TFAP2B: variants seen among roughly 807,000 people sequenced by gnomAD.
TFAP2B encodes the protein transcription factor AP-2 beta.
Under a neutral mutation model 44.3 loss-of-function variants are expected in TFAP2B, and 9 were observed. The observed-to-expected ratio is 0.20, with a 90% CI of 0.12 to 0.35. The LOEUF is 0.35. TFAP2B is among the 10% of genes least tolerant of loss of function. TFAP2B has a pLI of 1.00. For missense variants in TFAP2B, 509 were observed against 600.0 expected (o/e 0.85, Z 1.59); for synonymous variants, 270 against 263.8 (o/e 1.02, Z -0.23).
rs1327711505 is a variant in TFAP2B at position 50,846,298 on chromosome 6, C to T, written c.*2906C>T. 1 of 152,516 alleles carries T rather than the reference C, an allele frequency of 6.6e-6. No homozygotes were observed. Among genetic ancestry groups the T allele is most frequent in the Non-Finnish European group, 1.5e-5 (1 of 68,032 alleles). The allele number at this position is 152,516 out of a possible 1,614,324, so 9.4% of individuals were successfully genotyped here. On this transcript the variant is annotated 3_prime_UTR_variant, in exon 7 of 7. Transcript: ENST00000393655. Reference sequence around the variant, plus strand: ...CCCCCTTGCTTTCCTTAGCCAGGCCCGCTACATTTATCTGATAATTGAGTT... The same window carrying T: ...CCCCCTTGCTTTCCTTAGCCAGGCCTGCTACATTTATCTGATAATTGAGTT...
chr6:50,820,988 G>A (rs1430628829), intron 1 of TFAP2B, among the ~76,000 whole-genome samples: 1 of 152,052 alleles, frequency 6.6e-6, no homozygotes, highest in Non-Finnish European at 1.5e-5. Context: ...TATTACAGGT[G>A]GTCCTATCTG....
chr6:50,834,418 C>T (rs1377041025), intron 3 of TFAP2B, among the ~76,000 whole-genome samples: 4 of 152,178 alleles, frequency 2.6e-5, no homozygotes, highest in Non-Finnish European at 4.4e-5. Context: ...TCCTAAAATG[C>T]CTACTGGGTA....
Position 50,823,430 on chromosome 6 carries a change from C to G in TFAP2B, c.105C>G (p.Ser35Arg). ...IYEDRHDGVPSHSSRLSQLGS... is the reference protein window; with the variant it reads ...IYEDRHDGVPRHSSRLSQLGS... Reference sequence around the variant, plus strand: ...AGGACCGGCACGATGGTGTCCCGAGCCACAGCTCGCGGCTCTCCCAGCTGG... The same window carrying G: ...AGGACCGGCACGATGGTGTCCCGAGGCACAGCTCGCGGCTCTCCCAGCTGG... Residue 35 changes from serine to arginine, a missense_variant, in exon 2 of 7, where the codon AGC (serine) becomes AGG (arginine). Physicochemically the swap from Ser to Arg is moderately radical, Grantham distance 110. Around this residue, in one of 3 missense-constraint regions of TFAP2B, gnomAD observed 296 missense variants for 308.2 expected, o/e 0.96. Coordinates refer to ENST00000393655, the MANE Select transcript of TFAP2B (RefSeq NM_003221.4). 6.2e-7 allele frequency: 1 copy of G among 1,603,040 alleles called. No homozygotes were observed. The highest frequency in any genetic ancestry group is 1.3e-5 in the African/African-American group (1 of 74,626).
At position 50,838,095 on chromosome 6, in the gene TFAP2B, T is replaced by TAAGC; in HGVS notation, c.940+6_940+9dup. On this transcript the variant is annotated splice_region_variant and intron_variant, in intron 5 of 6. Transcript: ENST00000393655. ...CGTTACTCACCTCCCTGGTGGAAGG[T>TAAGC]AAGCAAGACGTGTGGCCATTTCACG... 1 of 1,610,964 alleles carries TAAGC rather than the reference T, an allele frequency of 6.2e-7. No individual in the cohort carries two copies. The highest frequency in any genetic ancestry group is 1.7e-5 in the Admixed American group (1 of 60,004).
rs772631031 is a variant in TFAP2B at position 50,836,047 on chromosome 6, TTCTC to T, written c.602-10_602-7del. The T allele has an allele frequency of 1.2e-6, 2 of 1,611,288 alleles. No individual in the cohort carries two copies. The highest frequency in any genetic ancestry group is 1.7e-6 in the Non-Finnish European group (2 of 1,177,546). ...ACTTGGTCACCTTTATGGCAATTTT[TTCTC>T]TCTTTCTAGTTCCAGTTCCTCCCAA... On this transcript the variant is annotated splice_polypyrimidine_tract_variant and intron_variant, in intron 3 of 6. Transcript: ENST00000393655.
At position 50,843,428 on chromosome 6, in the gene TFAP2B, T is replaced by G; in HGVS notation, c.*36T>G. Reference sequence around the variant, plus strand: ...AAAAAAGAAGGAAAAATGTTTTAAATACAAAAGGAAAAACAGACAAAAATT... The same window carrying G: ...AAAAAAGAAGGAAAAATGTTTTAAAGACAAAAGGAAAAACAGACAAAAATT... On this transcript the variant is annotated 3_prime_UTR_variant, in exon 7 of 7. Coordinates refer to ENST00000393655, the MANE Select transcript of TFAP2B (RefSeq NM_003221.4). 1 of 1,590,308 alleles carries G rather than the reference T, an allele frequency of 6.3e-7. No homozygotes were observed. Among genetic ancestry groups the G allele is most frequent in the Non-Finnish European group, 8.6e-7 (1 of 1,168,162 alleles).
intron 3 of TFAP2B, among the ~76,000 whole-genome samples, chr6:50,830,844 A>G (rs765954012): frequency 5.9e-5 from 9 of 152,156 alleles, no homozygotes; most frequent in Non-Finnish European, 7.3e-5. Flanking sequence ...TGTTTCCAAG[A>G]GATGAATTTT....
rs372625426 is a variant in TFAP2B, at chr6:50,836,019, G to T, written c.602-42G>T. On this transcript the variant is annotated intron_variant, in intron 3 of 6. Transcript: ENST00000393655. ...ATTCTATCAGCCGGTCATCAGGATC[G>T]AAACTTGGTCACCTTTATGGCAATT... The T allele has an allele frequency of 2.6e-6, 4 of 1,530,276 alleles. No individual in the cohort carries two copies. The African/African-American group carries it at 5.5e-5, about 21-fold the overall frequency. 94.8% of individuals were successfully genotyped at this position (1,530,276 alleles called of 1,614,324 possible). A position where few individuals can be genotyped will look rare whatever the true frequency, so the allele number is the denominator to read the frequency against.
chr6:50,837,778 T>TA (rs35941682), intron 4 of TFAP2B, among the ~76,000 whole-genome samples, 197 bp from the exon 5 acceptor site: 8 of 151,728 alleles, frequency 5.3e-5, no homozygotes, highest in South Asian at 2.1e-4. Context: ...AACACTCAGT[T>TA]AAAAAAAATT....
At chr6:50,818,704 C>A, upstream of TFAP2B, 1 of 603,220 alleles carries the variant, frequency 1.7e-6, no homozygotes, top group Non-Finnish European at 3.0e-6. Context: ...GCATCTAACT[C>A]CTGTGTGTGC....
intron 1 of TFAP2B, among the ~76,000 whole-genome samples, chr6:50,822,630 T>G (rs1770384363): frequency 6.6e-6 from 1 of 152,228 alleles, no homozygotes; most frequent in Non-Finnish European, 1.5e-5. Context: ...TTCCTTCATT[T>G]TCACATCCTG....
intron 3 of TFAP2B, 42 bp downstream of exon 3, chr6:50,828,721 T>G (rs1770593859): frequency 1.9e-6 from 3 of 1,599,932 alleles, no homozygotes; most frequent in East Asian, 4.5e-5. Context: ...AGTTCTCTCA[T>G]GCATTAACGT....
rs146662170 is a variant in TFAP2B at position 50,838,041 on chromosome 6, C to T, written c.888C>T (p.Pro296=). Residue 296 remains proline, a synonymous_variant, in exon 5 of 7, where the codon CCC becomes CCT. Coordinates refer to ENST00000393655, the MANE Select transcript of TFAP2B (RefSeq NM_003221.4). ...TAGAAAAAATCGGTTTGAATTTACC[C>T]GCGGGCAGGCGCAAAGCAGCAAATG... ...ERLEKIGLNL[P]AGRRKAANVT... is the part of the protein sequence containing the mutation. The T allele has an allele frequency of 5.6e-6, 9 of 1,614,140 alleles. No homozygotes were observed. The highest frequency in any genetic ancestry group is 4.4e-5 in the South Asian group (4 of 91,088).
intron 3 of TFAP2B, 110 bp downstream of exon 3, chr6:50,828,789 G>C (rs1181275958): frequency 7.6e-7 from 1 of 1,310,028 alleles, no homozygotes; most frequent in Admixed American, 1.7e-5. Context: ...ATAAATGTTT[G>C]TTCACAATTA....
At position 50,844,579 on chromosome 6, in the gene TFAP2B, C is replaced by T. The variant is rs1187421235; in HGVS notation, c.*1187C>T. On this transcript the variant is annotated 3_prime_UTR_variant, in exon 7 of 7. Coordinates refer to ENST00000393655, the MANE Select transcript of TFAP2B (RefSeq NM_003221.4). ...AAAGTGGCCAATATGATGGAAGCAGCTTTGAATCTACATGCTAACATTCCT... is the reference window on the plus strand; with the variant it reads ...AAAGTGGCCAATATGATGGAAGCAGTTTTGAATCTACATGCTAACATTCCT... The T allele has an allele frequency of 2.0e-5, 3 of 152,648 alleles. No homozygotes were observed. Among genetic ancestry groups the T allele is most frequent in the Admixed American group, 6.5e-5 (1 of 15,290 alleles). The allele number at this position is 152,648 out of a possible 1,614,324, so 9.5% of individuals were successfully genotyped here. A position where few individuals can be genotyped will look rare whatever the true frequency, so the allele number is the denominator to read the frequency against.
Position 50,836,280 on chromosome 6 carries a change from G to A in TFAP2B, c.821G>A (p.Arg274Lys). The A allele has an allele frequency of 6.2e-7, 1 of 1,610,898 alleles. No individual in the cohort carries two copies. The highest frequency in any genetic ancestry group is 8.5e-7 in the Non-Finnish European group (1 of 1,178,970). Reference sequence around the variant, plus strand: ...TCTCTCCTCGGCGGAGTCCTCAGAAGGTAACCCCACCACGAAAAACAAAAA... The same window carrying A: ...TCTCTCCTCGGCGGAGTCCTCAGAAAGTAACCCCACCACGAAAAACAAAAA... Reference protein sequence around the residue: ...NASLLGGVLRRAKSKNGGRSL... With the variant: ...NASLLGGVLRKAKSKNGGRSL... Residue 274 changes from arginine to lysine, a missense_variant and splice_region_variant, in exon 4 of 7, where the codon AGA becomes AAA. Around this residue, in one of 3 missense-constraint regions of TFAP2B, gnomAD observed 45 missense variants for 108.6 expected, o/e 0.41. Transcript: ENST00000393655.
chr6:50,822,079 A>ATTTT, intron 1 of TFAP2B: 1 of 1,211,838 alleles, frequency 8.3e-7, no homozygotes, highest in Non-Finnish European at 1.1e-6. Context: ...GGACTCCTTG[A>ATTTT]TTTTTTTTTT....
At position 50,823,663 on chromosome 6, in the gene TFAP2B, A is replaced by T. The variant is rs1419001689; in HGVS notation, c.338A>T (p.Glu113Val). 6.2e-7 allele frequency: 1 copy of T among 1,613,864 alleles called. No individual in the cohort carries two copies. The highest frequency in any genetic ancestry group is 1.3e-5 in the African/African-American group (1 of 74,910). Reference sequence around the variant, plus strand: ...CCCTGGGGGCAACGGCAGCGGCAAGAAGTGGGTTCGGAAGCCGGCTCTCTC... The same window carrying T: ...CCCTGGGGGCAACGGCAGCGGCAAGTAGTGGGTTCGGAAGCCGGCTCTCTC... ...QHPWGQRQRQEVGSEAGSLLP... is the reference protein window; with the variant it reads ...QHPWGQRQRQVVGSEAGSLLP... Residue 113 changes from glutamate (E) to valine (V), a missense_variant, in exon 2 of 7, where the codon GAA becomes GTA. Transcript: ENST00000393655.
upstream of TFAP2B, among the ~76,000 whole-genome samples, chr6:50,818,540 G>A (rs917483158): frequency 3.3e-5 from 5 of 152,312 alleles, no homozygotes; most frequent in East Asian, 1.9e-4. Context: ...GTTATAAAAT[G>A]TATATATTAT....
Sources: allele counts gnomAD v4.1 joint callset (sites outside exome capture counted in the v4.1 genomes callset), GRCh38; gene constraint gnomAD v4.1.1; regional missense constraint gnomAD v4.1.1; transcripts MANE v1.5; gene names NCBI Gene and HGNC (gene_info 2026-07-23, HGNC 2026-07-21).